RAB36: variants seen among roughly 807,000 people sequenced by gnomAD.
RAB36 encodes the protein ras-related protein Rab-36.
RAB36 carries 33 observed loss-of-function variants against 39.3 expected under a neutral mutation model. The ratio of observed to expected loss-of-function variants is 0.84; its 90% CI spans 0.64 to 1.12. The LOEUF is 1.12. RAB36 is among the 50% of genes most tolerant of loss of function. The pLI, the probability that RAB36 is intolerant of heterozygous loss-of-function variation, is 0.00. For missense variants in RAB36, 308 were observed against 355.3 expected (o/e 0.87, Z 1.07); for synonymous variants, 133 against 140.2 (o/e 0.95, Z 0.36).
downstream of RAB36, among the ~76,000 whole-genome samples, chr22:23,168,919 G>C (rs2072094136): frequency 6.6e-6 from 1 of 152,190 alleles, no homozygotes; most frequent in African/African-American, 2.4e-5. Context: ...CCTAGCCTGA[G>C]GGTACACTAG....
chr22:23,167,776 G>A (rs1221472596), downstream of RAB36, among the ~76,000 whole-genome samples: 1 of 151,770 alleles, frequency 6.6e-6, no homozygotes, highest in Non-Finnish European at 1.5e-5. Flanking sequence ...TCAAACTCCC[G>A]GTCTCAAGCA....
chr22:23,161,103 G>T (rs1291912178), intron 10 of RAB36, 105 bp downstream of exon 10: 2 of 1,376,214 alleles, frequency 1.5e-6, no homozygotes, highest in Admixed American at 2.3e-5. Flanking sequence ...TGAACTTGTG[G>T]CCCTCTCCTG....
At chr22:23,146,503 C>T in intron 1 of RAB36, 102 bp from the exon 2 acceptor site, 1 of 1,480,088 alleles carries the variant, frequency 6.8e-7, no homozygotes, top group Non-Finnish European at 9.0e-7. Flanking sequence ...TGAGCCACTG[C>T]ACCCAGCCTG....
Position 23,146,654 on chromosome 22 carries a change from G to A in RAB36, c.38G>A (p.Ser13Asn). Reference protein sequence around the residue: ...SSLTPLGPPVSRDRVIASFPK... With the variant: ...SSLTPLGPPVNRDRVIASFPK... ...CTGACACCTTTGGGGCCCCCTGTGA[G>A]CCGCGACCGTGTCATCGCCAGCTTC... The change falls in exon 2 of 11, where the codon AGC (serine) becomes AAC (asparagine). Residue 13 changes from serine (S) to asparagine (N), a missense_variant. Physicochemically the swap from Ser to Asn is conservative, Grantham distance 46. Transcript: ENST00000263116. 3 of 1,614,096 alleles carry A rather than the reference G, an allele frequency of 1.9e-6. No homozygotes were observed. The highest frequency in any genetic ancestry group is 2.5e-6 in the Non-Finnish European group (3 of 1,179,988).
At chr22:23,147,300 G>A (rs2070838547) in intron 2 of RAB36, among the ~76,000 whole-genome samples, 1 of 152,036 alleles carries the variant, frequency 6.6e-6, no homozygotes, top group Admixed American at 6.5e-5. Flanking sequence ...TATAGAAGAT[G>A]ACCCTGCCCT....
rs2071861823 is a variant in RAB36 at position 23,162,487 on chromosome 22, T to C, written c.*923T>C. 2 of 388,310 alleles carry C rather than the reference T, an allele frequency of 5.2e-6. No individual in the cohort carries two copies. Among genetic ancestry groups the C allele is most frequent in the Non-Finnish European group, 1.1e-5 (2 of 189,192 alleles). The allele number at this position is 388,310 out of a possible 1,614,324, so 24.1% of individuals were successfully genotyped here. ...GCCTATACATCTCTTAGGACCTTTGTAATGGTGTCCATGCACCTTTAGAGG... is the reference window on the plus strand; with the variant it reads ...GCCTATACATCTCTTAGGACCTTTGCAATGGTGTCCATGCACCTTTAGAGG... On this transcript the variant is annotated 3_prime_UTR_variant, in exon 11 of 11. Coordinates refer to ENST00000263116, the MANE Select transcript of RAB36 (RefSeq NM_004914.5).
Position 23,161,831 on chromosome 22 carries a change from A to C in RAB36, c.*267A>C. 2.1e-6 allele frequency: 1 copy of C among 469,604 alleles called. No individual in the cohort carries two copies. Among genetic ancestry groups the C allele is most frequent in the Non-Finnish European group, 3.9e-6 (1 of 258,776 alleles). 29.1% of individuals were successfully genotyped at this position (469,604 alleles called of 1,614,324 possible). A position where few individuals can be genotyped will look rare whatever the true frequency, so the allele number is the denominator to read the frequency against. On this transcript the variant is annotated 3_prime_UTR_variant, in exon 11 of 11. Transcript: ENST00000263116. ...TGCAGGCACTGTGGTGATCCCATAA[A>C]AGGCCAGTCCATTTGCAGGGTCATC...
intron 6 of RAB36, among the ~76,000 whole-genome samples, chr22:23,157,116 A>G (rs924504872): frequency 3.3e-5 from 5 of 152,144 alleles, no homozygotes; most frequent in African/African-American, 1.2e-4. Flanking sequence ...TGATGAGAGG[A>G]GCTGAGGGCC....
chr22:23,161,783 G>A lies in RAB36; in HGVS notation c.*219G>A. The stretch of plus-strand genomic sequence containing the variant: ...AGAAAAGGCCCCCACTGGCTGCCTG[G>A]GAGCCCCACACCACCGGGCCAGTGC... On this transcript the variant is annotated 3_prime_UTR_variant, in exon 11 of 11. Coordinates refer to ENST00000263116, the MANE Select transcript of RAB36 (RefSeq NM_004914.5). 1 of 555,338 alleles carries A rather than the reference G, an allele frequency of 1.8e-6. No homozygotes were observed. Among genetic ancestry groups the A allele is most frequent in the Non-Finnish European group, 3.2e-6 (1 of 309,378 alleles). 34.4% of individuals were successfully genotyped at this position (555,338 alleles called of 1,614,324 possible).
At chr22:23,145,937 C>T in intron 1 of RAB36, 1 of 980,548 alleles carries the variant, frequency 1.0e-6, no homozygotes, top group Non-Finnish European at 1.2e-6. Flanking sequence ...CCAGGCCCAC[C>T]TAGAGCCTTC....
downstream of RAB36, among the ~76,000 whole-genome samples, chr22:23,166,139 C>CT (rs1226624276): frequency 1.1e-5 from 1 of 91,804 alleles, no homozygotes; most frequent in Non-Finnish European, 1.9e-5. Context: ...GAGTGAGACT[C>CT]TGTCTTTTAA....
downstream of RAB36, among the ~76,000 whole-genome samples, chr22:23,166,028 C>T (rs546328654): frequency 3.7e-4 from 56 of 151,850 alleles, no homozygotes; most frequent in African/African-American, 1.3e-3. Context: ...CACCTGTAGT[C>T]CCAGCTACTT....
Position 23,146,690 on chromosome 22 carries a change from A to G in RAB36, c.69+5A>G, listed in dbSNP as rs1217935734. ...GTCATCGCCAGCTTCCCTAAGGTAG[A>G]GAGTCATTACGTCTGCAGTGCTCTC... On this transcript the variant is annotated splice_donor_5th_base_variant and intron_variant, in intron 2 of 10. Transcript: ENST00000263116. 1.2e-6 allele frequency: 2 copies of G among 1,613,664 alleles called. No homozygotes were observed. The highest frequency in any genetic ancestry group is 2.2e-5 in the South Asian group (2 of 91,072).
At chr22:23,165,943 G>A (rs1161714703), downstream of RAB36, among the ~76,000 whole-genome samples, 1 of 152,096 alleles carries the variant, frequency 6.6e-6, no homozygotes, top group Non-Finnish European at 1.5e-5. Context: ...TCAGGAGATA[G>A]AGACCATCCT....
chr22:23,168,892 G>T (rs565232617), downstream of RAB36, among the ~76,000 whole-genome samples: 14 of 152,320 alleles, frequency 9.2e-5, no homozygotes, highest in South Asian at 2.9e-3. Flanking sequence ...CCTCTTCCCT[G>T]ACAGGTGGTT....
downstream of RAB36, among the ~76,000 whole-genome samples, chr22:23,166,507 A>G (rs1226934305): frequency 6.6e-6 from 1 of 152,120 alleles, no homozygotes; most frequent in Non-Finnish European, 1.5e-5. Flanking sequence ...CAATGAACTC[A>G]GCATAGAGGT....
At chr22:23,157,188 G>A (rs2071501987) in intron 6 of RAB36, among the ~76,000 whole-genome samples, 1 of 152,142 alleles carries the variant, frequency 6.6e-6, no homozygotes, top group African/African-American at 2.4e-5. Flanking sequence ...GCTAAAGCAG[G>A]TTGTTGCTAA....
At chr22:23,156,053 G>A in intron 6 of RAB36, 21 bp downstream of exon 6, 1 of 1,603,522 alleles carries the variant, frequency 6.2e-7, no homozygotes, top group East Asian at 2.3e-5. Flanking sequence ...TGCCACGTCG[G>A]GGCTCAACTG....
At chr22:23,148,452 A>C (rs1487613652) in intron 2 of RAB36, among the ~76,000 whole-genome samples, 3 of 152,210 alleles carry the variant, frequency 2.0e-5, no homozygotes, top group Non-Finnish European at 2.9e-5. Context: ...GCCTGACATC[A>C]CACAGCTGCT....
Sources: gnomAD v4.1 joint callset for allele counts (sites outside exome capture counted in the v4.1 genomes callset) on GRCh38, gnomAD v4.1.1 for gene constraint, MANE v1.5 for transcripts, NCBI Gene and HGNC (gene_info 2026-07-23, HGNC 2026-07-21) for gene names.